The following SLC35C1 variants were observed in gnomAD, a reference collection of about 807,000 sequenced individuals.
SLC35C1 encodes the protein GDP-fucose transporter 1.
Under a neutral mutation model 23.2 loss-of-function variants are expected in SLC35C1, and 8 were observed. The ratio of observed to expected loss-of-function variants is 0.35; its 90% CI spans 0.20 to 0.62. The LOEUF (loss-of-function observed/expected upper bound fraction) is 0.62. SLC35C1 is among the 20% of genes least tolerant of loss of function. The pLI is 0.75. For missense variants in SLC35C1, 422 were observed against 478.6 expected (o/e 0.88, Z 1.10); for synonymous variants, 226 against 225.1 (o/e 1.00, Z -0.04).
upstream of SLC35C1, chr11:45,804,700 G>T: frequency 1.0e-6 from 1 of 985,630 alleles, no homozygotes; most frequent in Non-Finnish European, 1.2e-6. Context: ...GGGGGGAAAG[G>T]AGGGGACCAC....
At chr11:45,806,924 G>C in intron 1 of SLC35C1, 9 of 984,954 alleles carry the variant, frequency 9.1e-6, no homozygotes, top group Non-Finnish European at 1.1e-5. Context: ...TAGCGCCTGA[G>C]ACAGTAGCAA....
Position 45,806,222 on chromosome 11 carries a change from G to A in SLC35C1, c.421G>A (p.Ala141Thr), listed in dbSNP as rs1227078188. 1 of 1,606,688 alleles carries A rather than the reference G, an allele frequency of 6.2e-7. No homozygotes were observed. Among genetic ancestry groups the A allele is most frequent in the Non-Finnish European group, 8.5e-7 (1 of 1,179,994 alleles). Reference protein sequence around the residue: ...NNLCLKYVGVAFYNVGRSLTT... With the variant: ...NNLCLKYVGVTFYNVGRSLTT... ...CCTCTGCCTCAAGTACGTCGGTGTGGCCTTCTACAATGTGGGCCGCTCACT... is the reference window on the plus strand; with the variant it reads ...CCTCTGCCTCAAGTACGTCGGTGTGACCTTCTACAATGTGGGCCGCTCACT... The change falls in exon 1 of 2, where the codon GCC becomes ACC. Residue 141 changes from alanine to threonine, a missense_variant. Ala to Thr is a moderately conservative substitution (Grantham distance 58). Transcript: ENST00000314134.
rs1322305405 is a variant in SLC35C1, at chr11:45,812,200, G to GA, written c.*867dup. The GA allele has an allele frequency of 1.4e-5, 3 of 210,944 alleles. No homozygotes were observed. Among genetic ancestry groups the GA allele is most frequent in the Non-Finnish European group, 3.0e-5 (3 of 99,960 alleles). The allele number at this position is 210,944 out of a possible 1,614,324, so 13.1% of individuals were successfully genotyped here. A position where few individuals can be genotyped will look rare whatever the true frequency, so the allele number is the denominator to read the frequency against. On this transcript the variant is annotated 3_prime_UTR_variant, in exon 2 of 2. Transcript: ENST00000314134. ...CTCTTCTCCCAGTTCTACCTCCCCA[G>GA]AAGCCTTCCTCCCCAGGTGGGGCTG... is the stretch of plus-strand genomic sequence containing the variant.
rs971118546 is a variant in SLC35C1 at position 45,805,182 on chromosome 11, C to A, written c.-620C>A. The A allele has an allele frequency of 1.0e-6, 1 of 991,032 alleles. No homozygotes were observed. The highest frequency in any genetic ancestry group is 1.2e-6 in the Non-Finnish European group (1 of 832,950). 61.4% of individuals were successfully genotyped at this position (991,032 alleles called of 1,614,324 possible). ...TCCGGAGGCTCCTGGGCTGAGCCGG[C>A]GACAGAGCCCGGGAAGGCAGCGAGA... On this transcript the variant is annotated 5_prime_UTR_variant, in exon 1 of 2. Transcript: ENST00000314134.
At chr11:45,809,596 A>G (rs1314270454) in intron 1 of SLC35C1, among the ~76,000 whole-genome samples, 1 of 152,164 alleles carries the variant, frequency 6.6e-6, no homozygotes, top group Non-Finnish European at 1.5e-5. Flanking sequence ...CAGGATGATC[A>G]TATCAGTTGC....
Position 45,806,014 on chromosome 11 carries a change from C to G in SLC35C1, c.213C>G (p.Asp71Glu). Reference sequence around the variant, plus strand: ...TGGACAGCCCCTCCCTGCGGCTGGACACCCCCATCTTCGTCACCTTCTACC... The same window carrying G: ...TGGACAGCCCCTCCCTGCGGCTGGAGACCCCCATCTTCGTCACCTTCTACC... ...YLLDSPSLRL[D>E]TPIFVTFYQC... The change falls in exon 1 of 2, where the codon GAC becomes GAG. Residue 71 changes from aspartate (D) to glutamate (E), a missense_variant. By Grantham distance (45) the Asp-to-Glu change is conservative. Transcript: ENST00000314134. The G allele has an allele frequency of 6.2e-7, 1 of 1,614,058 alleles. No homozygotes were observed. The highest frequency in any genetic ancestry group is 8.5e-7 in the Non-Finnish European group (1 of 1,180,030).
chr11:45,810,414 C>T (rs1324767062), intron 1 of SLC35C1: 1 of 985,312 alleles, frequency 1.0e-6, no homozygotes, highest in African/African-American at 1.7e-5. Context: ...TGCCCCAGGC[C>T]AGCACAGTCG....
chr11:45,811,664 C>A lies in SLC35C1; in HGVS notation c.*329C>A. 1 of 261,810 alleles carries A rather than the reference C, an allele frequency of 3.8e-6. No homozygotes were observed. The highest frequency in any genetic ancestry group is 7.3e-6 in the Non-Finnish European group (1 of 136,674). The allele number at this position is 261,810 out of a possible 1,614,324, so 16.2% of individuals were successfully genotyped here. ...TCTGCCTCCAGGGCCTGTCTGCCTC[C>A]ACATCACTCTGAGGACAGGGACAGG... On this transcript the variant is annotated 3_prime_UTR_variant, in exon 2 of 2. Transcript: ENST00000314134.
rs1447584487 is a variant in SLC35C1 at position 45,812,640 on chromosome 11, A to G, written c.*1305A>G. On this transcript the variant is annotated 3_prime_UTR_variant, in exon 2 of 2. Coordinates refer to ENST00000314134, the MANE Select transcript of SLC35C1 (RefSeq NM_018389.5). ...TTTTATAAGGACTCCAACCCTGTTC[A>G]TGAGGGTTCCGCCCCCATGACCCAA... 1.8e-5 allele frequency: 8 copies of G among 455,880 alleles called. No homozygotes were observed. Among genetic ancestry groups the G allele is most frequent in the Non-Finnish European group, 2.6e-5 (6 of 226,762 alleles). 28.2% of individuals were successfully genotyped at this position (455,880 alleles called of 1,614,324 possible). A position where few individuals can be genotyped will look rare whatever the true frequency, so the allele number is the denominator to read the frequency against.
chr11:45,804,978 A>C, upstream of SLC35C1: 9 of 985,660 alleles, frequency 9.1e-6, no homozygotes, highest in Non-Finnish European at 1.1e-5. Context: ...GTGGCTGCCG[A>C]GGTCCCCCGC....
chr11:45,806,471 G>A, intron 1 of SLC35C1, 135 bp downstream of exon 1: 2 of 1,243,122 alleles, frequency 1.6e-6, no homozygotes, highest in Non-Finnish European at 2.3e-6. Context: ...AAAGAGCCTG[G>A]GGGCACAGAG....
At chr11:45,807,737 G>A (rs1363433855) in intron 1 of SLC35C1, among the ~76,000 whole-genome samples, 1 of 152,118 alleles carries the variant, frequency 6.6e-6, no homozygotes, top group African/African-American at 2.4e-5. Context: ...GGGGAGAAGG[G>A]AGAAGGTCAC....
chr11:45,812,470 C>G lies in SLC35C1; in HGVS notation c.*1135C>G. On this transcript the variant is annotated 3_prime_UTR_variant, in exon 2 of 2. Transcript: ENST00000314134. ...TTACAAACAACAGAAACGTATTGCT[C>G]ACAGTCCTGGGGGGCTGGGACGCCC... 1 of 447,030 alleles carries G rather than the reference C, an allele frequency of 2.2e-6. No homozygotes were observed. The highest frequency in any genetic ancestry group is 1.6e-5 in the South Asian group (1 of 63,498). The allele number at this position is 447,030 out of a possible 1,614,324, so 27.7% of individuals were successfully genotyped here.
chr11:45,804,451 G>C (rs1045393029), upstream of SLC35C1: 33 of 983,400 alleles, frequency 3.4e-5, no homozygotes, highest in Non-Finnish European at 3.7e-5. Context: ...GCGGCCCGGG[G>C]ACACAGGCAG....
chr11:45,808,297 C>G (rs576984693), intron 1 of SLC35C1, among the ~76,000 whole-genome samples: 2 of 151,854 alleles, frequency 1.3e-5, no homozygotes, highest in African/African-American at 4.8e-5. Context: ...ATCAGTAGTT[C>G]GAGACCAGCC....
intron 1 of SLC35C1, chr11:45,810,059 G>A (rs2085921555): frequency 2.0e-6 from 2 of 985,444 alleles, no homozygotes; most frequent in Non-Finnish European, 2.4e-6. Context: ...CCCAGGGTGA[G>A]AAGCAGGGAG....
At chr11:45,810,755 C>A in intron 1 of SLC35C1, 21 bp from the exon 2 acceptor site, 1 of 1,604,884 alleles carries the variant, frequency 6.2e-7, no homozygotes, top group Non-Finnish European at 8.5e-7. Context: ...CCCTTCCCCA[C>A]TCCTCCTCTC....
intron 1 of SLC35C1, chr11:45,806,997 T>C (rs2085884997): frequency 3.2e-6 from 2 of 618,288 alleles, no homozygotes; most frequent in Admixed American, 1.3e-4. Flanking sequence ...ATAATAATTA[T>C]TGATGGGGAA....
In SLC35C1 at chr11:45,806,245, A is replaced by G. The variant is rs760082309; in HGVS notation, c.444A>G (p.Ser148=). ...TGGCCTTCTACAATGTGGGCCGCTC[A>G]CTCACCACCGTCTTCAACGTGCTGC... The part of the protein sequence containing the change: ...VGVAFYNVGR[S]LTTVFNVLLS... Residue 148 remains serine (S), a synonymous_variant, in exon 1 of 2, where the codon TCA becomes TCG. Coordinates refer to ENST00000314134, the MANE Select transcript of SLC35C1 (RefSeq NM_018389.5). 4.4e-6 allele frequency: 7 copies of G among 1,608,710 alleles called. No homozygotes were observed. Among genetic ancestry groups the G allele is most frequent in the South Asian group, 1.1e-5 (1 of 91,020 alleles).
Sources: gnomAD v4.1 joint callset for allele counts (sites outside exome capture counted in the v4.1 genomes callset) on GRCh38, gnomAD v4.1.1 for gene constraint, MANE v1.5 for transcripts, NCBI Gene and HGNC (gene_info 2026-07-23, HGNC 2026-07-21) for gene names.